PPP4R3B: variants seen among roughly 807,000 people sequenced by gnomAD.
PPP4R3B encodes protein phosphatase 4 regulatory subunit 3B.
Under a neutral mutation model 95.4 loss-of-function variants are expected in PPP4R3B, and 52 were observed. The observed-to-expected ratio is 0.54, with a 90% confidence interval of 0.44 to 0.69. PPP4R3B has a LOEUF of 0.69. Among genes scored for constraint, PPP4R3B ranks in the 30% least tolerant of loss-of-function variants. The probability of loss-of-function intolerance (pLI) is 0.00; values close to 1 mark genes in which losing one functional copy is unlikely to be tolerated. For missense variants in PPP4R3B, 1,003 were observed against 1,005.9 expected, an observed-to-expected ratio of 1.00 and a Z score of 0.04; for synonymous variants, 407 against 343.9, an observed-to-expected ratio of 1.18 and a Z score of -2.03.
At position 55,558,937 on chromosome 2, in the gene PPP4R3B, G is replaced by A. The variant is rs754827145; in HGVS notation, c.2292C>T (p.Pro764=). ...AKESEDKENL[P]KRTSPGGFKF... Reference sequence around the variant, plus strand: ...TGAAGCCACCAGGAGATGTCCTTTTGGGAAGGTTTTCCTTGTCTTCACTTT... The same window carrying A: ...TGAAGCCACCAGGAGATGTCCTTTTAGGAAGGTTTTCCTTGTCTTCACTTT... The change falls in exon 16 of 17, where the codon CCC becomes CCT. Residue 764 remains proline, a synonymous_variant. Coordinates refer to ENST00000616407, the MANE Select transcript of PPP4R3B (RefSeq NM_001122964.3). 8 of 1,610,498 alleles carry A rather than the reference G, an allele frequency of 5.0e-6. No individual in the cohort carries two copies. In the African/African-American group the frequency reaches 1.1e-4, roughly 22 times the overall value.
chr2:55,556,389 G>A (rs983352881), intron 16 of PPP4R3B, among the ~76,000 whole-genome samples: 13 of 151,950 alleles, frequency 8.6e-5, no homozygotes, highest in African/African-American at 3.1e-4. Context: ...TATCTGAAAG[G>A]ATAATAAAAA....
chr2:55,597,676 C>A (rs558388277), intron 4 of PPP4R3B, among the ~76,000 whole-genome samples: 74 of 152,044 alleles, frequency 4.9e-4, no homozygotes, highest in African/African-American at 1.2e-3. Context: ...AGGCACATGC[C>A]TGTAATCCCA....
At chr2:55,599,431 CTG>C (rs1181395038) in intron 3 of PPP4R3B, among the ~76,000 whole-genome samples, 1 of 151,984 alleles carries the variant, frequency 6.6e-6, no homozygotes, top group African/African-American at 2.4e-5. Context: ...AAGCAAGACT[CTG>C]TCTCAAAAAA....
At chr2:55,591,588 T>G in intron 4 of PPP4R3B, 1 of 984,058 alleles carries the variant, frequency 1.0e-6, no homozygotes, top group Non-Finnish European at 1.2e-6. Flanking sequence ...GAAAATTTAA[T>G]TTTTTCAAAA....
intron 13 of PPP4R3B, 64 bp from the exon 14 acceptor site, chr2:55,565,105 A>T: frequency 1.5e-6 from 2 of 1,355,632 alleles, no homozygotes; most frequent in Non-Finnish European, 2.0e-6. Context: ...AAAACTTTAA[A>T]ATTTTGTTTT....
Position 55,614,622 on chromosome 2 carries a change from T to C in PPP4R3B, c.198+829A>G, listed in dbSNP as rs952402604. The C allele has an allele frequency of 8.5e-5, 13 of 152,190 alleles. 1 individual carries two copies. The highest frequency in any genetic ancestry group is 7.2e-4 in the Admixed American group (11 of 15,280). 9.4% of individuals were successfully genotyped at this position (152,190 alleles called of 1,614,324 possible). A position where few individuals can be genotyped will look rare whatever the true frequency, so the allele number is the denominator to read the frequency against. On this transcript the variant is annotated intron_variant, in intron 2 of 16. Transcript: ENST00000616407. ...CAAAGAATACACATCAACTTCAGAA[T>C]AGTGGTTACCTATGTAGGGGATGGA...
rs78928997 is a variant in PPP4R3B, at chr2:55,549,425, T to A, written c.*486A>T. The A allele has an allele frequency of 0.052, 8,013 of 153,454 alleles. 290 individuals carry two copies. The highest frequency in any genetic ancestry group is 0.095 in the Middle Eastern group (28 of 294). 9.5% of individuals were successfully genotyped at this position (153,454 alleles called of 1,614,324 possible). A position where few individuals can be genotyped will look rare whatever the true frequency, so the allele number is the denominator to read the frequency against. The stretch of plus-strand genomic sequence containing the variant: ...TCCCAACAGCTTAACTTCATTTTTT[T>A]AATGATAGTTGAATGTGTTTTCCAT... On this transcript the variant is annotated 3_prime_UTR_variant, in exon 17 of 17. Coordinates refer to ENST00000616407, the MANE Select transcript of PPP4R3B (RefSeq NM_001122964.3).
chr2:55,575,821 CTATTTTA>C (rs1404764390), intron 11 of PPP4R3B, among the ~76,000 whole-genome samples: 1 of 152,158 alleles, frequency 6.6e-6, no homozygotes, highest in African/African-American at 2.4e-5. Context: ...TCTAGTACAA[CTATTTTA>C]TTTGAGATTA....
At chr2:55,588,369 C>T (rs113215039) in intron 5 of PPP4R3B, among the ~76,000 whole-genome samples, 3,648 of 151,838 alleles carry the variant, frequency 0.024, 151 homozygotes, top group African/African-American at 0.083. Context: ...CAAAATTAGC[C>T]GGGTGTGGCA....
At chr2:55,595,940 G>C (rs1691709848) in intron 4 of PPP4R3B, among the ~76,000 whole-genome samples, 1 of 152,152 alleles carries the variant, frequency 6.6e-6, no homozygotes, top group Non-Finnish European at 1.5e-5. Flanking sequence ...AGAAAGCTGA[G>C]TATAGGCTAC....
In PPP4R3B at chr2:55,548,431, TCAC is replaced by T. The variant is rs1344054898; in HGVS notation, c.*1477_*1479del. ...TGAATTTTACAGTTTAGCATTAATATCACCACATGTATACAAATGGTGTAAAAC... is the reference window on the plus strand; with the variant it reads ...TGAATTTTACAGTTTAGCATTAATATCACATGTATACAAATGGTGTAAAAC... On this transcript the variant is annotated 3_prime_UTR_variant, in exon 17 of 17. Transcript: ENST00000616407. The T allele has an allele frequency of 1.3e-5, 2 of 152,662 alleles. No individual in the cohort carries two copies. The highest frequency in any genetic ancestry group is 4.8e-5 in the African/African-American group (2 of 41,472). The allele number at this position is 152,662 out of a possible 1,614,324, so 9.5% of individuals were successfully genotyped here.
chr2:55,581,545 TTA>T lies in PPP4R3B; in HGVS notation c.1365+20_1365+21del. 7 of 1,601,078 alleles carry T rather than the reference TTA, an allele frequency of 4.4e-6. No individual in the cohort carries two copies. The highest frequency in any genetic ancestry group is 5.1e-6 in the Non-Finnish European group (6 of 1,174,834). On this transcript the variant is annotated intron_variant, in intron 8 of 16. Transcript: ENST00000616407. Reference sequence around the variant, plus strand: ...TAAAACTGACTAGGCCAAAACATTTTTATCTCAGAGTAATTTCTTACATTAGT... The same window carrying T: ...TAAAACTGACTAGGCCAAAACATTTTTCTCAGAGTAATTTCTTACATTAGT...
intron 15 of PPP4R3B, among the ~76,000 whole-genome samples, chr2:55,561,158 A>T (rs184093829): frequency 2.3e-4 from 35 of 152,174 alleles, no homozygotes; most frequent in Admixed American, 8.5e-4. Flanking sequence ...GCCAAGGTAC[A>T]GCTTGGGCCA....
intron 2 of PPP4R3B, among the ~76,000 whole-genome samples, chr2:55,611,571 A>G (rs976706259): frequency 6.6e-6 from 1 of 152,234 alleles, no homozygotes; most frequent in Non-Finnish European, 1.5e-5. Flanking sequence ...ATCCAGTCAT[A>G]TGACATTCAG....
chr2:55,588,680 A>C (rs1014476011), intron 5 of PPP4R3B, among the ~76,000 whole-genome samples, 199 bp downstream of exon 5: 2 of 152,188 alleles, frequency 1.3e-5, no homozygotes, highest in Admixed American at 1.3e-4. Context: ...ACATCCTAAG[A>C]AGTTTCTAAA....
intron 12 of PPP4R3B, 27 bp from the exon 13 acceptor site, chr2:55,568,390 G>A (rs1391326905): frequency 1.3e-6 from 2 of 1,540,540 alleles, no homozygotes; most frequent in Non-Finnish European, 1.8e-6. Flanking sequence ...TAGGGAATAA[G>A]TTAATGATCT....
At chr2:55,573,577 T>C (rs1307787487) in intron 12 of PPP4R3B, 42 bp downstream of exon 12, 1 of 1,499,978 alleles carries the variant, frequency 6.7e-7, no homozygotes. Context: ...TTCAGTTTTA[T>C]CTCTATTAAA....
intron 12 of PPP4R3B, among the ~76,000 whole-genome samples, chr2:55,572,203 C>A (rs1258257832): frequency 7.0e-6 from 1 of 143,604 alleles, no homozygotes; most frequent in African/African-American, 2.5e-5. Context: ...GTGAGAATAT[C>A]TGCATAATCT....
intron 2 of PPP4R3B, among the ~76,000 whole-genome samples, chr2:55,611,718 C>T: frequency 6.6e-6 from 1 of 152,120 alleles, no homozygotes; most frequent in East Asian, 1.9e-4. Flanking sequence ...TAAACATTCC[C>T]CTCTGAATTT....
Sources: allele counts gnomAD v4.1 joint callset (sites outside exome capture counted in the v4.1 genomes callset), GRCh38; gene constraint gnomAD v4.1.1; transcripts MANE v1.5; gene names NCBI Gene and HGNC (gene_info 2026-07-23, HGNC 2026-07-21).